The following LRBA variants were observed in gnomAD, a reference collection of about 807,000 sequenced individuals.
LRBA encodes the protein LPS responsive beige-like anchor protein, also known as lipopolysaccharide-responsive and beige-like anchor protein.
A neutral mutation model predicts 330.0 loss-of-function variants in LRBA; 176 were observed. That is an observed-to-expected ratio of 0.53 (90% CI 0.47 to 0.60). LRBA has a LOEUF of 0.60. LRBA is among the 20% of genes least tolerant of loss of function. The pLI is 0.00. For synonymous variants in LRBA, 1,230 were observed against 1,193.0 expected (o/e 1.03, Z -0.64); for missense variants, 3,259 against 3,444.8 (o/e 0.95, Z 1.35).
intron 34 of LRBA, among the ~76,000 whole-genome samples, chr4:150,780,758 C>A (rs931717509): frequency 6.8e-6 from 1 of 146,414 alleles, no homozygotes; most frequent in African/African-American, 2.5e-5. Context: ...CAGTCCCCAA[C>A]CTTTTTGGCA....
intron 34 of LRBA, among the ~76,000 whole-genome samples, chr4:150,762,550 TAATAC>T (rs1735235945): frequency 6.6e-6 from 1 of 151,730 alleles, no homozygotes. Flanking sequence ...TAATAAGCAT[TAATAC>T]AATAAGGAAA....
intron 35 of LRBA, among the ~76,000 whole-genome samples, chr4:150,755,261 T>C (rs894624433): frequency 6.6e-6 from 1 of 152,224 alleles, no homozygotes; most frequent in Non-Finnish European, 1.5e-5. Flanking sequence ...CATTATGTCT[T>C]TTATGTGGGC....
chr4:150,890,158 T>C (rs1356173119), intron 17 of LRBA, among the ~76,000 whole-genome samples: 1 of 152,054 alleles, frequency 6.6e-6, no homozygotes, highest in African/African-American at 2.4e-5. Flanking sequence ...TCTAATGAAG[T>C]AGATGAGGCT....
intron 37 of LRBA, among the ~76,000 whole-genome samples, chr4:150,678,991 T>C (rs571063835): frequency 1.2e-4 from 18 of 152,146 alleles, no homozygotes; most frequent in African/African-American, 4.1e-4. Flanking sequence ...ATATTACTTA[T>C]TTAGTAAAAA....
chr4:150,839,307 A>C (rs1268799539), intron 28 of LRBA, among the ~76,000 whole-genome samples: 1 of 152,214 alleles, frequency 6.6e-6, no homozygotes, highest in Non-Finnish European at 1.5e-5. Flanking sequence ...AAACTAGTTC[A>C]ACCATTGTGA....
intron 40 of LRBA, among the ~76,000 whole-genome samples, chr4:150,566,287 A>G (rs1358063633): frequency 1.3e-5 from 2 of 152,132 alleles, no homozygotes; most frequent in Admixed American, 6.6e-5. Flanking sequence ...TATCTTTTGA[A>G]ATACTTTAAG....
chr4:150,840,743 A>C, intron 28 of LRBA: 1 of 178,286 alleles, frequency 5.6e-6, no homozygotes, highest in South Asian at 1.2e-4. Context: ...CTGTTGGATA[A>C]ATGGCATGGA....
intron 22 of LRBA, among the ~76,000 whole-genome samples, chr4:150,857,280 T>C (rs1284801545): frequency 6.6e-6 from 1 of 152,106 alleles, no homozygotes; most frequent in Non-Finnish European, 1.5e-5. Flanking sequence ...CTCTGATGTA[T>C]AACAATGGTA....
chr4:150,850,479 C>T (rs1007169444), intron 24 of LRBA, among the ~76,000 whole-genome samples: 1 of 152,116 alleles, frequency 6.6e-6, no homozygotes, highest in East Asian at 1.9e-4. Context: ...AAAATTGCTA[C>T]AGGAAATCTA....
rs1762952163 is a variant in LRBA, at chr4:150,521,856, T to C, written c.6331-30821A>G. On this transcript the variant is annotated intron_variant, in intron 40 of 56. Transcript: ENST00000651943. ...GTATCAATCTCAATTAGGTTAAATT[T>C]GTTGATAGTGTTCATGAATTCTACA... Among the ~76,000 whole-genome samples the C allele has an allele frequency of 2.0e-5, 3 of 152,184 alleles. No individual in the cohort carries two copies. The South Asian group carries it at 6.2e-4, about 32-fold the overall frequency.
intron 36 of LRBA, among the ~76,000 whole-genome samples, chr4:150,696,102 C>G (rs1180069072): frequency 2.0e-5 from 3 of 152,032 alleles, no homozygotes; most frequent in African/African-American, 7.3e-5. Flanking sequence ...TGGTGGCATG[C>G]ACCTGTAGTC....
intron 43 of LRBA, 23 bp from the exon 44 acceptor site, chr4:150,467,808 G>T: frequency 9.4e-7 from 1 of 1,067,032 alleles, no homozygotes; most frequent in Non-Finnish European, 1.4e-6. Flanking sequence ...AAAGTTACTC[G>T]TAATTTATAA....
At chr4:150,825,463 T>C (rs1746102447) in intron 30 of LRBA, among the ~76,000 whole-genome samples, 1 of 152,084 alleles carries the variant, frequency 6.6e-6, no homozygotes, top group Non-Finnish European at 1.5e-5. Context: ...ACCTCCCAGG[T>C]TCAAGCGATT....
At chr4:150,642,186 A>G (rs1778742535) in intron 37 of LRBA, among the ~76,000 whole-genome samples, 1 of 151,998 alleles carries the variant, frequency 6.6e-6, no homozygotes, top group Non-Finnish European at 1.5e-5. Flanking sequence ...TCAAAAGCAC[A>G]AGAATACATT....
intron 56 of LRBA, among the ~76,000 whole-genome samples, chr4:150,270,065 C>T (rs937040984): frequency 6.6e-6 from 1 of 152,136 alleles, no homozygotes; most frequent in Non-Finnish European, 1.5e-5. Context: ...CCTGTTAGGA[C>T]AACTGTTAAA....
At chr4:150,921,122 G>C in intron 5 of LRBA, 76 bp downstream of exon 5, 1 of 884,444 alleles carries the variant, frequency 1.1e-6, no homozygotes, top group Non-Finnish European at 1.9e-6. Flanking sequence ...CCTGTCAGGG[G>C]TGTTCACAGG....
At chr4:150,997,446 T>C (rs1281254376) in intron 2 of LRBA, among the ~76,000 whole-genome samples, 1 of 152,178 alleles carries the variant, frequency 6.6e-6, no homozygotes, top group East Asian at 1.9e-4. Flanking sequence ...ATGTTAAAGA[T>C]AGTATAATTC....
At chr4:150,584,282 CCAAAA>C (rs1581743966) in intron 40 of LRBA, 1 of 614,406 alleles carries the variant, frequency 1.6e-6, no homozygotes, top group Non-Finnish European at 2.6e-6. Context: ...AGCAACCCAA[CCAAAA>C]CAAATCACAT....
intron 47 of LRBA, among the ~76,000 whole-genome samples, chr4:150,409,181 G>A (rs1746612930): frequency 6.6e-6 from 1 of 151,976 alleles, no homozygotes; most frequent in Non-Finnish European, 1.5e-5. Flanking sequence ...ATGATGTGAA[G>A]AGACACAAGG....
Sources: allele counts gnomAD v4.1 joint callset (sites outside exome capture counted in the v4.1 genomes callset), GRCh38; gene constraint gnomAD v4.1.1; transcripts MANE v1.5; gene names NCBI Gene and HGNC (gene_info 2026-07-23, HGNC 2026-07-21).